Variants in TASP1 observed in about 807,000 individuals in gnomAD.
TASP1 encodes threonine aspartase 1.
In TASP1, 16 loss-of-function variants were observed where a neutral mutation model predicts 56.6. The ratio of observed to expected loss-of-function variants is 0.28; its 90% CI spans 0.19 to 0.43. TASP1 has a LOEUF of 0.43. Ranked by LOEUF, TASP1 falls within the 20% of genes least tolerant of loss-of-function variation. The pLI, the probability that TASP1 is intolerant of heterozygous loss-of-function variation, is 1.00. For missense variants in TASP1, 393 were observed against 511.6 expected, an observed-to-expected ratio of 0.77 and a Z score of 2.24; for synonymous variants, 179 against 184.2, an observed-to-expected ratio of 0.97 and a Z score of 0.23.
chr20:13,159,103 A>C, the TASP1 span, among the ~76,000 whole-genome samples: 1 of 152,246 alleles, frequency 6.6e-6, no homozygotes, highest in African/African-American at 2.4e-5. Context: ...CTTGGCTCTC[A>C]GCACAAGATA....
At chr20:13,554,760 C>G (rs1164594252) in intron 8 of TASP1, among the ~76,000 whole-genome samples, 2 of 151,914 alleles carry the variant, frequency 1.3e-5, no homozygotes, top group Non-Finnish European at 2.9e-5. Context: ...ATATGCATAC[C>G]TTAACTTTAA....
chr20:13,221,212 C>CCCTCCTCCTCCTCCT, the TASP1 span, among the ~76,000 whole-genome samples: 150 of 78,820 alleles, frequency 1.9e-3, 3 homozygotes, highest in South Asian at 5.3e-3. Flanking sequence ...GCAGCTGAAG[C>CCCTCCTCCTCCTCCT]CCTCCTACTC....
the TASP1 span, among the ~76,000 whole-genome samples, chr20:13,210,220 T>C: frequency 2.6e-5 from 4 of 152,318 alleles, no homozygotes; most frequent in East Asian, 5.8e-4. Context: ...TTCCCTTGTA[T>C]AGATACAGTA....
At chr20:13,358,613 G>A in the TASP1 span, among the ~76,000 whole-genome samples, 4 of 151,748 alleles carry the variant, frequency 2.6e-5, no homozygotes, top group Non-Finnish European at 4.4e-5. Context: ...AAGGACACAC[G>A]TTTTATCCGT....
At chr20:13,171,353 AT>A in the TASP1 span, among the ~76,000 whole-genome samples, 12 of 152,230 alleles carry the variant, frequency 7.9e-5, no homozygotes, top group South Asian at 2.5e-3. Flanking sequence ...TTAAAATGAA[AT>A]TCAGTTCCCT....
At chr20:13,142,738 A>G in the TASP1 span, among the ~76,000 whole-genome samples, 1 of 152,198 alleles carries the variant, frequency 6.6e-6, no homozygotes, top group Admixed American at 6.5e-5. Flanking sequence ...CTCCAAGCTC[A>G]CATGGCTGTG....
chr20:13,134,520 C>G, the TASP1 span, among the ~76,000 whole-genome samples: 1 of 152,262 alleles, frequency 6.6e-6, no homozygotes, highest in South Asian at 2.1e-4. Flanking sequence ...CATCATACAG[C>G]AGTGGTTCTC....
At chr20:13,426,539 C>T (rs151021073) in intron 12 of TASP1, among the ~76,000 whole-genome samples, 1 of 151,448 alleles carries the variant, frequency 6.6e-6, no homozygotes, top group Non-Finnish European at 1.5e-5. Context: ...ATTAGTGATA[C>T]AATATATAGA....
the TASP1 span, among the ~76,000 whole-genome samples, chr20:13,352,271 G>A: frequency 1.2e-3 from 178 of 152,062 alleles, 1 homozygote; most frequent in African/African-American, 3.9e-3. Context: ...ACAACATGGC[G>A]AAACCCCATC....
chr20:13,221,248 TC>T, the TASP1 span, among the ~76,000 whole-genome samples: 3 of 127,208 alleles, frequency 2.4e-5, no homozygotes, highest in African/African-American at 8.8e-5. Flanking sequence ...CTCCTCCTCC[TC>T]CTCCTCCTCC....
At chr20:13,445,661 G>A (rs2043383804) in intron 11 of TASP1, among the ~76,000 whole-genome samples, 1 of 152,168 alleles carries the variant, frequency 6.6e-6, no homozygotes, top group South Asian at 2.1e-4. Flanking sequence ...TTTTAGGTAA[G>A]AAGTTCTTCG....
At chr20:13,571,080 T>C (rs2046696784) in intron 6 of TASP1, among the ~76,000 whole-genome samples, 2 of 152,198 alleles carry the variant, frequency 1.3e-5, no homozygotes, top group African/African-American at 4.8e-5. Context: ...AGCTTTATTT[T>C]ATATATTTTT....
the TASP1 span, among the ~76,000 whole-genome samples, chr20:13,213,450 G>T: frequency 6.6e-6 from 1 of 152,144 alleles, no homozygotes; most frequent in Non-Finnish European, 1.5e-5. Flanking sequence ...TTTAAGAATG[G>T]ATTGATAATG....
At chr20:13,136,871 G>A in the TASP1 span, among the ~76,000 whole-genome samples, 1 of 151,636 alleles carries the variant, frequency 6.6e-6, no homozygotes, top group African/African-American at 2.4e-5. Context: ...TAGTTACTCT[G>A]TTACTATTAT....
At chr20:13,410,318 T>A (rs2042054523) in intron 13 of TASP1, among the ~76,000 whole-genome samples, 1 of 152,252 alleles carries the variant, frequency 6.6e-6, no homozygotes, top group African/African-American at 2.4e-5. Flanking sequence ...TTTGATGTAC[T>A]GACGTCCTTT....
chr20:13,373,821 C>G, the TASP1 span, among the ~76,000 whole-genome samples: 1 of 152,118 alleles, frequency 6.6e-6, no homozygotes, highest in Non-Finnish European at 1.5e-5. Context: ...GCTATTTCTT[C>G]AAATACTTTT....
At chr20:13,232,994 G>T in the TASP1 span, among the ~76,000 whole-genome samples, 14 of 151,882 alleles carry the variant, frequency 9.2e-5, no homozygotes, top group East Asian at 2.7e-3. Flanking sequence ...ATCATGGTGG[G>T]GGTTGTGAAA....
chr20:13,603,776 C>CA (rs2048047053), intron 4 of TASP1, among the ~76,000 whole-genome samples: 1 of 152,144 alleles, frequency 6.6e-6, no homozygotes, highest in Non-Finnish European at 1.5e-5. Flanking sequence ...TCTTATTGAT[C>CA]AAACTCTATT....
intron 10 of TASP1, among the ~76,000 whole-genome samples, chr20:13,505,426 C>T (rs2044093903): frequency 6.6e-6 from 1 of 152,080 alleles, no homozygotes; most frequent in South Asian, 2.1e-4. Flanking sequence ...ACATACAGAA[C>T]ATTCCACCCA....
Sources: gnomAD v4.1 joint callset for allele counts (sites outside exome capture counted in the v4.1 genomes callset) on GRCh38, gnomAD v4.1.1 for gene constraint, MANE v1.5 for transcripts, NCBI Gene and HGNC (gene_info 2026-07-23, HGNC 2026-07-21) for gene names.